The following CDK5RAP2 variants were observed in gnomAD, a reference collection of about 807,000 sequenced individuals.
CDK5RAP2 encodes CDK5 regulatory subunit-associated protein 2.
In CDK5RAP2, 147 loss-of-function variants were observed where a neutral mutation model predicts 232.9. That is an observed-to-expected ratio of 0.63 (90% confidence interval 0.55 to 0.72). The LOEUF is 0.72. CDK5RAP2 is among the 30% of genes least tolerant of loss of function. The probability of loss-of-function intolerance (pLI) is 0.00; values close to 1 mark genes in which losing one functional copy is unlikely to be tolerated. For synonymous variants in CDK5RAP2, 833 were observed against 833.7 expected (o/e 1.00, Z 0.01); for missense variants, 2,195 against 2,231.5 (o/e 0.98, Z 0.33).
In CDK5RAP2 at chr9:120,439,735, A is replaced by G; in HGVS notation, c.3386T>C (p.Phe1129Ser). Reference protein sequence around the residue: ...LETELEGYQNFIFQLQKHSQC... With the variant: ...LETELEGYQNSIFQLQKHSQC... ...GGAGTGCTTTTGAAGCTGAAATATG[A>G]AATTCTGGTAGCCTTCCAGCTCAGT... is the stretch of plus-strand genomic sequence containing the variant. Residue 1129 changes from phenylalanine to serine, a missense_variant, in exon 24 of 38, where the codon TTC becomes TCC. Physicochemically the swap from Phe to Ser is radical, Grantham distance 155. Coordinates refer to ENST00000349780, the MANE Select transcript of CDK5RAP2 (RefSeq NM_018249.6). 1 of 1,614,170 alleles carries G rather than the reference A, an allele frequency of 6.2e-7. No individual in the cohort carries two copies. The highest frequency in any genetic ancestry group is 8.5e-7 in the Non-Finnish European group (1 of 1,180,014).
intron 11 of CDK5RAP2, among the ~76,000 whole-genome samples, chr9:120,522,647 A>G (rs946732047): frequency 3.9e-5 from 6 of 152,156 alleles, no homozygotes; most frequent in African/African-American, 1.4e-4. Context: ...TTTTAAAATG[A>G]GTATGGAGGT....
chr9:120,477,767 C>T (rs934364424), intron 14 of CDK5RAP2, among the ~76,000 whole-genome samples: 3 of 152,148 alleles, frequency 2.0e-5, no homozygotes, highest in Admixed American at 6.5e-5. Context: ...TGCTGTTCAT[C>T]GTTTTTAAAA....
intron 3 of CDK5RAP2, among the ~76,000 whole-genome samples, chr9:120,561,813 G>A (rs1023384240): frequency 2.0e-5 from 3 of 152,176 alleles, no homozygotes; most frequent in Non-Finnish European, 4.4e-5. Context: ...ACTATCAGTT[G>A]AAATAACTGC....
intron 23 of CDK5RAP2, 50 bp downstream of exon 23, chr9:120,443,570 G>C: frequency 6.2e-7 from 1 of 1,601,586 alleles, no homozygotes; most frequent in South Asian, 1.1e-5. Context: ...CATCCAAATG[G>C]TGCCTGGCAC....
intron 15 of CDK5RAP2, among the ~76,000 whole-genome samples, chr9:120,474,173 G>A (rs1260436374): frequency 1.3e-5 from 2 of 152,110 alleles, no homozygotes; most frequent in Non-Finnish European, 2.9e-5. Context: ...ATATTACATG[G>A]GAAAGACGTT....
At chr9:120,545,513 T>C (rs1303455386) in intron 5 of CDK5RAP2, among the ~76,000 whole-genome samples, 5 of 152,228 alleles carry the variant, frequency 3.3e-5, no homozygotes, top group African/African-American at 1.2e-4. Context: ...CGCTGTACAC[T>C]TAAGATCTGT....
At position 120,516,316 on chromosome 9, in the gene CDK5RAP2, C is replaced by T. The variant is rs575033736; in HGVS notation, c.1311+2111G>A. Among the ~76,000 whole-genome samples the T allele has an allele frequency of 2.8e-4, 37 of 131,916 alleles. 1 individual carries two copies. The highest frequency in any genetic ancestry group is 8.9e-4 in the African/African-American group (30 of 33,846). 86.5% of individuals were successfully genotyped at this position (131,916 alleles called of 152,430 possible). ...TCACTGATAGGTGGGAATTGAATAGCGAGAACACATGGACACAGGAAGGGG... is the reference window on the plus strand; with the variant it reads ...TCACTGATAGGTGGGAATTGAATAGTGAGAACACATGGACACAGGAAGGGG... On this transcript the variant is annotated intron_variant, in intron 12 of 37. Transcript: ENST00000349780.
chr9:120,422,636 G>A, intron 26 of CDK5RAP2, 57 bp downstream of exon 26: 1 of 1,321,164 alleles, frequency 7.6e-7, no homozygotes, highest in Admixed American at 1.7e-5. Context: ...AAAGCTGGCA[G>A]GTAAATCAGA....
intron 36 of CDK5RAP2, among the ~76,000 whole-genome samples, chr9:120,392,193 C>T (rs994073595): frequency 9.2e-5 from 14 of 152,012 alleles, no homozygotes; most frequent in Non-Finnish European, 1.6e-4. Flanking sequence ...GTTTAGGTAG[C>T]GTTATCATCC....
chr9:120,561,306 T>G (rs1423230428), intron 3 of CDK5RAP2, among the ~76,000 whole-genome samples: 1 of 150,660 alleles, frequency 6.6e-6, no homozygotes, highest in Non-Finnish European at 1.5e-5. Context: ...AATAACAGAA[T>G]TTTTTTTTTA....
rs2041789457 is a variant in CDK5RAP2 at position 120,545,148 on chromosome 9, T to C, written c.383+566A>G. ...AGATCTTAAAGAAAAAAAAAAGACA[T>C]TTACTGTGGCTGAAGCCCCATCCTC... On this transcript the variant is annotated intron_variant, in intron 5 of 37. Transcript: ENST00000349780. Among the ~76,000 whole-genome samples the C allele has an allele frequency of 4.6e-5, 7 of 152,172 alleles. No individual in the cohort carries two copies. The South Asian group carries it at 1.5e-3, about 32-fold the overall frequency.
At chr9:120,549,521 T>C (rs1210692988) in intron 4 of CDK5RAP2, among the ~76,000 whole-genome samples, 1 of 152,162 alleles carries the variant, frequency 6.6e-6, no homozygotes, top group African/African-American at 2.4e-5. Flanking sequence ...GGGCTCAAAA[T>C]CCACCTCACG....
chr9:120,461,699 G>C (rs12683630), intron 18 of CDK5RAP2, among the ~76,000 whole-genome samples: 1 of 152,110 alleles, frequency 6.6e-6, no homozygotes, highest in Non-Finnish European at 1.5e-5. Flanking sequence ...AAAATTCGCC[G>C]GGTGTGGTGG....
At chr9:120,477,502 C>CA (rs763985010) in intron 14 of CDK5RAP2, 52 bp from the exon 15 acceptor site, 4 of 1,310,712 alleles carry the variant, frequency 3.1e-6, no homozygotes, top group Non-Finnish European at 3.3e-6. Context: ...TGAAAGAGTA[C>CA]ATCCTTATAT....
intron 1 of CDK5RAP2, among the ~76,000 whole-genome samples, chr9:120,572,532 T>C (rs373535179): frequency 1.3e-5 from 2 of 152,218 alleles, no homozygotes; most frequent in South Asian, 4.1e-4. Flanking sequence ...GACACCAATT[T>C]AGATGTTTTA....
At chr9:120,464,283 G>A (rs1475046128) in intron 18 of CDK5RAP2, among the ~76,000 whole-genome samples, 1 of 151,932 alleles carries the variant, frequency 6.6e-6, no homozygotes, top group African/African-American at 2.4e-5. Context: ...CAAAGTGAGG[G>A]CTGGGCACCT....
chr9:120,466,051 G>A (rs2037360905), intron 18 of CDK5RAP2, among the ~76,000 whole-genome samples: 1 of 152,064 alleles, frequency 6.6e-6, no homozygotes, highest in South Asian at 2.1e-4. Context: ...GTAATGCTAT[G>A]GGTTAATTAA....
At chr9:120,558,078 T>C (rs967039302) in intron 3 of CDK5RAP2, among the ~76,000 whole-genome samples, 1 of 143,778 alleles carries the variant, frequency 7.0e-6, no homozygotes, top group Non-Finnish European at 1.5e-5. Context: ...GAAATTCTTT[T>C]TTAAAAAATT....
At chr9:120,477,245 T>C (rs1234219242) in intron 15 of CDK5RAP2, 105 bp downstream of exon 15, 1 of 910,674 alleles carries the variant, frequency 1.1e-6, no homozygotes, top group Admixed American at 1.7e-5. Context: ...GGCAGGGCTT[T>C]GCTGCCTTAG....
Sources: allele counts gnomAD v4.1 joint callset (sites outside exome capture counted in the v4.1 genomes callset), GRCh38; gene constraint gnomAD v4.1.1; transcripts MANE v1.5; gene names NCBI Gene and HGNC (gene_info 2026-07-23, HGNC 2026-07-21).